The following ASAP1 variants were observed in gnomAD, a reference collection of about 807,000 sequenced individuals.
ASAP1 encodes ArfGAP with SH3 domain, ankyrin repeat and PH domain 1.
In ASAP1, 43 loss-of-function variants were observed where a neutral mutation model predicts 145.2. The ratio of observed to expected loss-of-function variants is 0.30; its 90% CI spans 0.23 to 0.38. ASAP1 has a LOEUF of 0.38. ASAP1 is among the 10% of genes least tolerant of loss of function. The pLI is 1.00. For synonymous variants in ASAP1, 546 were observed against 515.5 expected (o/e 1.06, Z -0.80); for missense variants, 1,018 against 1,355.3 (o/e 0.75, Z 3.91).
chr8:130,221,667 C>T (rs931888909), intron 4 of ASAP1, among the ~76,000 whole-genome samples: 1 of 152,154 alleles, frequency 6.6e-6, no homozygotes, highest in African/African-American at 2.4e-5. Context: ...TATGTCCATA[C>T]TAAATAAGCC....
chr8:130,106,257 T>C (rs2097536634), intron 24 of ASAP1, among the ~76,000 whole-genome samples: 1 of 152,202 alleles, frequency 6.6e-6, no homozygotes, highest in Admixed American at 6.5e-5. Flanking sequence ...GAAGCTTTAA[T>C]ATCAAGCTAC....
chr8:130,360,281 CAAGAGT>C (rs1390010595), intron 2 of ASAP1, among the ~76,000 whole-genome samples: 1 of 152,204 alleles, frequency 6.6e-6, no homozygotes, highest in African/African-American at 2.4e-5. Flanking sequence ...AAAAGAATGA[CAAGAGT>C]AAGTCACCCA....
rs114431779 is a variant in ASAP1, at chr8:130,278,776, T to C, written c.187-41782A>G. 9.0e-3 allele frequency among the ~76,000 whole-genome samples: 1,371 copies of C among 152,310 alleles called. 25 individuals are homozygous for C. The highest frequency in any genetic ancestry group is 0.032 in the African/African-American group (1,311 of 41,572). On this transcript the variant is annotated intron_variant, in intron 3 of 29. Transcript: ENST00000518721. The stretch of plus-strand genomic sequence containing the variant: ...AGAAGAGAGGGGGAGCTGTTGTTTC[T>C]GGGCCACCCAACATCTACTCACCGT...
At chr8:130,173,265 G>C (rs1813707701) in intron 9 of ASAP1, among the ~76,000 whole-genome samples, 1 of 152,190 alleles carries the variant, frequency 6.6e-6, no homozygotes, top group Non-Finnish European at 1.5e-5. Context: ...CAATGTATCA[G>C]TGACACCATA....
chr8:130,118,352 A>C (rs1395049458), intron 19 of ASAP1, 106 bp from the exon 20 acceptor site: 5 of 1,319,866 alleles, frequency 3.8e-6, no homozygotes, highest in Non-Finnish European at 4.2e-6. Context: ...ACACCTCTTC[A>C]CTCTCATATT....
At chr8:130,340,802 A>G (rs1416146761) in intron 3 of ASAP1, 1 of 422,578 alleles carries the variant, frequency 2.4e-6, no homozygotes, top group South Asian at 1.7e-5. Context: ...TACATAAAGA[A>G]CTTAGCACAC....
intron 10 of ASAP1, among the ~76,000 whole-genome samples, chr8:130,168,544 C>T (rs1303725212): frequency 3.9e-5 from 6 of 152,032 alleles, no homozygotes; most frequent in Admixed American, 1.3e-4. Flanking sequence ...GAGCCAAGAT[C>T]GTGCCACTGT....
intron 3 of ASAP1, among the ~76,000 whole-genome samples, chr8:130,347,040 C>T (rs1456969381): frequency 6.6e-6 from 1 of 152,226 alleles, no homozygotes; most frequent in Non-Finnish European, 1.5e-5. Flanking sequence ...TTAGTCCTCA[C>T]TGGACCTTTA....
chr8:130,081,033 C>T (rs2097478760), intron 25 of ASAP1, among the ~76,000 whole-genome samples: 1 of 152,252 alleles, frequency 6.6e-6, no homozygotes, highest in African/African-American at 2.4e-5. Context: ...AGAGCTTATG[C>T]TCTGGCCTGT....
intron 27 of ASAP1, among the ~76,000 whole-genome samples, chr8:130,063,344 A>C (rs2097423216): frequency 6.6e-6 from 1 of 152,056 alleles, no homozygotes; most frequent in Non-Finnish European, 1.5e-5. Flanking sequence ...CACTCAGCTA[A>C]TTTTTAATTT....
intron 5 of ASAP1, among the ~76,000 whole-genome samples, chr8:130,191,048 AG>A (rs750599487): frequency 1.0e-5 from 1 of 99,264 alleles, no homozygotes; most frequent in Non-Finnish European, 2.1e-5. Flanking sequence ...ACCGGGAAAT[AG>A]TTTTTTTTTT....
At chr8:130,216,112 G>A (rs1816914861) in intron 4 of ASAP1, among the ~76,000 whole-genome samples, 1 of 152,138 alleles carries the variant, frequency 6.6e-6, no homozygotes, top group African/African-American at 2.4e-5. Flanking sequence ...ACCTGAAAAA[G>A]TAGAAAATTC....
chr8:130,118,260 G>C lies in ASAP1; in HGVS notation c.1795-14C>G. The C allele has an allele frequency of 6.2e-7, 1 of 1,612,422 alleles. No homozygotes were observed. Among genetic ancestry groups the C allele is most frequent in the Non-Finnish European group, 8.5e-7 (1 of 1,178,836 alleles). On this transcript the variant is annotated splice_polypyrimidine_tract_variant and intron_variant, in intron 19 of 29. Transcript: ENST00000518721. ...CTCCCCAAGCTCCTAAAAAGGGAAA[G>C]AAAAGTATAAGTAAGTCAATAATAT... is the stretch of plus-strand genomic sequence containing the variant.
chr8:130,246,821 T>A (rs1818881027), intron 3 of ASAP1: 1 of 152,216 alleles, frequency 6.6e-6, no homozygotes, highest in Admixed American at 6.5e-5. Flanking sequence ...GTTTTGCTTT[T>A]CTCTGGGATG....
chr8:130,249,858 A>T (rs1468971077), intron 3 of ASAP1, among the ~76,000 whole-genome samples: 3 of 152,172 alleles, frequency 2.0e-5, no homozygotes, highest in East Asian at 3.9e-4. Flanking sequence ...TGCCCCTCAG[A>T]TGTCTCTGGT....
At chr8:130,369,009 T>C (rs1015082372) in intron 2 of ASAP1, among the ~76,000 whole-genome samples, 2 of 152,212 alleles carry the variant, frequency 1.3e-5, no homozygotes, top group East Asian at 1.9e-4. Flanking sequence ...AGGCAAGCTG[T>C]TCACTGCCTT....
At position 130,358,133 on chromosome 8, in the gene ASAP1, G is replaced by A; in HGVS notation, c.70C>T (p.Gln24Ter). 1 of 1,606,524 alleles carries A rather than the reference G, an allele frequency of 6.2e-7. No homozygotes were observed. The highest frequency in any genetic ancestry group is 1.1e-5 in the South Asian group (1 of 90,266). ...RDSLWNRMPDQISVSEFIAET... is the reference protein window; with the variant it reads ...RDSLWNRMPD ...GCGATGAACTCCGAGACAGAGATCT[G>A]GTCCGGCATCCTGCCGGGAGGGACG... The change falls in exon 3 of 30, where the codon CAG becomes TAG. Residue 24 changes from glutamine (Q) to a stop codon, truncating the protein, a stop_gained. Coordinates refer to ENST00000518721, the MANE Select transcript of ASAP1 (RefSeq NM_018482.4). LOFTEE classifies it high-confidence loss of function. The surrounding 1 kb of genome is among the most constrained non-coding windows in gnomAD (Gnocchi z 4.1).
At chr8:130,066,548 TTTTC>T (rs1156416611) in intron 27 of ASAP1, among the ~76,000 whole-genome samples, 2 of 152,278 alleles carry the variant, frequency 1.3e-5, no homozygotes, top group East Asian at 3.9e-4. Flanking sequence ...CTTCCCTTTC[TTTTC>T]TTTCTCATTC....
At chr8:130,245,003 T>C (rs1004014524) in intron 3 of ASAP1, among the ~76,000 whole-genome samples, 7 of 152,106 alleles carry the variant, frequency 4.6e-5, no homozygotes, top group Non-Finnish European at 8.8e-5. Flanking sequence ...AATCATCCTG[T>C]GTAACAACAC....
Sources: gnomAD v4.1 joint callset for allele counts (sites outside exome capture counted in the v4.1 genomes callset) on GRCh38, gnomAD v4.1.1 for gene constraint, Gnocchi (gnomAD v3.1) non-coding constraint, MANE v1.5 for transcripts, NCBI Gene and HGNC (gene_info 2026-07-23, HGNC 2026-07-21) for gene names.